Variants in TRDN observed in about 807,000 individuals in gnomAD.
The protein encoded by TRDN is triadin in skeletal muscle.
A neutral mutation model predicts 149.7 loss-of-function variants in TRDN; 161 were observed. The observed-to-expected ratio is 1.08, with a 90% confidence interval of 0.95 to 1.23. TRDN has a LOEUF of 1.23. Among genes scored for constraint, TRDN ranks in the 50% most tolerant of loss-of-function variants. TRDN has a pLI of 0.00. For missense variants in TRDN, 896 were observed against 823.5 expected (o/e 1.09, Z -1.08); for synonymous variants, 294 against 250.5 (o/e 1.17, Z -1.64).
rs774826010 is a variant in TRDN, at chr6:123,273,366, A to AAAAAT, written c.1598-4_1598-3insATTTT. ...TATTTGCACTTTTTCAGATATAGCT[A>AAAAAT]AAATAAATAAATAACATATTAGATT... On this transcript the variant is annotated splice_region_variant and splice_polypyrimidine_tract_variant and intron_variant, in intron 27 of 40. Coordinates refer to ENST00000334268, the MANE Select transcript of TRDN (RefSeq NM_006073.4). 2.2e-6 allele frequency: 2 copies of AAAAAT among 922,286 alleles called. No individual in the cohort carries two copies. 57.1% of individuals were successfully genotyped at this position (922,286 alleles called of 1,614,324 possible).
chr6:123,558,570 G>A (rs1366135778), intron 2 of TRDN, among the ~76,000 whole-genome samples: 3 of 152,018 alleles, frequency 2.0e-5, no homozygotes, highest in South Asian at 2.1e-4. Flanking sequence ...TGGCTTGTTT[G>A]GCAGCAACCT....
chr6:123,245,346 C>T (rs1199893720), intron 38 of TRDN, among the ~76,000 whole-genome samples: 1 of 151,826 alleles, frequency 6.6e-6, no homozygotes, highest in Non-Finnish European at 1.5e-5. Flanking sequence ...ATTCAGGAGA[C>T]ACGTCACACA....
At chr6:123,499,475 G>A (rs1452098797) in intron 8 of TRDN, among the ~76,000 whole-genome samples, 16 of 150,992 alleles carry the variant, frequency 1.1e-4, no homozygotes, top group African/African-American at 1.9e-4. Flanking sequence ...AGGCTGAGGC[G>A]GGAGGATCAT....
chr6:123,620,886 A>C (rs74360134), intron 1 of TRDN, among the ~76,000 whole-genome samples: 2,068 of 152,256 alleles, frequency 0.014, 19 homozygotes, highest in Middle Eastern at 0.027. Context: ...ATTGGATAAA[A>C]GTGTACCAAG....
At chr6:123,582,673 T>C (rs988476425) in intron 1 of TRDN, among the ~76,000 whole-genome samples, 1 of 152,128 alleles carries the variant, frequency 6.6e-6, no homozygotes, top group African/African-American at 2.4e-5. Context: ...GAACCCGCGA[T>C]CTGGATGTGT....
chr6:123,446,734 G>T (rs1335757101), intron 10 of TRDN, among the ~76,000 whole-genome samples: 1 of 152,022 alleles, frequency 6.6e-6, no homozygotes, highest in Non-Finnish European at 1.5e-5. Flanking sequence ...CCATTTCCCT[G>T]TGAGTAACAT....
Position 123,266,644 on chromosome 6 carries a change from T to TATAATACA in TRDN, c.1783+1062_1783+1063insTGTATTAT, listed in dbSNP as rs1562237725. 8.2e-5 allele frequency among the ~76,000 whole-genome samples: 2 copies of TATAATACA among 24,386 alleles called. 1 individual carries two copies. The highest frequency in any genetic ancestry group is 1.8e-4 in the Non-Finnish European group (2 of 10,870). 16.0% of individuals were successfully genotyped at this position (24,386 alleles called of 152,430 possible). On this transcript the variant is annotated intron_variant, in intron 32 of 40. Transcript: ENST00000334268. Reference sequence around the variant, plus strand: ...AATATATATTATAATATGTATTATATTATAATAATATGTATAATATGTATA... The same window carrying TATAATACA: ...AATATATATTATAATATGTATTATATATAATACATATAATAATATGTATAATATGTATA...
chr6:123,525,642 A>G (rs1157484568), intron 5 of TRDN, among the ~76,000 whole-genome samples: 1 of 152,034 alleles, frequency 6.6e-6, no homozygotes, highest in Admixed American at 6.6e-5. Context: ...AATCCCCATC[A>G]TTATGAAACA....
At chr6:123,579,393 G>T (rs1181991520) in intron 1 of TRDN, among the ~76,000 whole-genome samples, 1 of 152,100 alleles carries the variant, frequency 6.6e-6, no homozygotes, top group African/African-American at 2.4e-5. Context: ...CATCTATTGA[G>T]ATAATCATGT....
At position 123,351,255 on chromosome 6, in the gene TRDN, C is replaced by T. The variant is rs1410472789; in HGVS notation, c.1369+1284G>A. 5 of 973,032 alleles carry T rather than the reference C, an allele frequency of 5.1e-6. 1 individual carries two copies. The African/African-American group carries it at 8.8e-5, about 17-fold the overall frequency. The allele number at this position is 973,032 out of a possible 1,614,324, so 60.3% of individuals were successfully genotyped here. The stretch of plus-strand genomic sequence containing the variant: ...TGTTACATGCTTATCTAGAAGTTTA[C>T]ACATTTTCATATCCTTTCACATATG... On this transcript the variant is annotated intron_variant, in intron 21 of 40. Coordinates refer to ENST00000334268, the MANE Select transcript of TRDN (RefSeq NM_006073.4).
intron 23 of TRDN, among the ~76,000 whole-genome samples, chr6:123,325,384 A>C (rs1319664333): frequency 6.6e-6 from 1 of 152,142 alleles, no homozygotes; most frequent in South Asian, 2.1e-4. Flanking sequence ...AAAAATTAAA[A>C]TACTAATGTT....
intron 9 of TRDN, among the ~76,000 whole-genome samples, chr6:123,481,331 G>A (rs892240204): frequency 6.6e-6 from 1 of 150,638 alleles, no homozygotes; most frequent in Non-Finnish European, 1.5e-5. Flanking sequence ...AGGTTTGGGT[G>A]TGTATGTCAT....
intron 16 of TRDN, among the ~76,000 whole-genome samples, chr6:123,378,396 C>T (rs1343828453): frequency 6.6e-6 from 1 of 151,980 alleles, no homozygotes; most frequent in Non-Finnish European, 1.5e-5. Flanking sequence ...CCTCCAACCT[C>T]GGCCTCCCAG....
intron 19 of TRDN, among the ~76,000 whole-genome samples, chr6:123,366,623 T>A (rs1384722239): frequency 3.3e-5 from 5 of 152,132 alleles, no homozygotes; most frequent in Middle Eastern, 3.4e-3. Flanking sequence ...GTTCAAGCAA[T>A]TCCCCTGCCC....
chr6:123,398,828 A>G (rs1772842382), intron 12 of TRDN, among the ~76,000 whole-genome samples: 1 of 152,222 alleles, frequency 6.6e-6, no homozygotes, highest in African/African-American at 2.4e-5. Context: ...CAAATTGCAA[A>G]AGGTGCACAA....
intron 12 of TRDN, among the ~76,000 whole-genome samples, chr6:123,428,736 C>A (rs191315327): frequency 5.2e-4 from 79 of 152,238 alleles, no homozygotes; most frequent in African/African-American, 1.8e-3. Flanking sequence ...TAGTCACTCA[C>A]CTACCACAAA....
chr6:123,423,120 T>C (rs1365510919), intron 12 of TRDN, among the ~76,000 whole-genome samples: 9 of 152,166 alleles, frequency 5.9e-5, no homozygotes, highest in Admixed American at 6.6e-5. Flanking sequence ...ATGTTGTTAA[T>C]TTTATACTCC....
Position 123,272,957 on chromosome 6 carries a change from A to C in TRDN, c.1672+7T>G. The C allele has an allele frequency of 6.5e-7, 1 of 1,527,242 alleles. No homozygotes were observed. Among genetic ancestry groups the C allele is most frequent in the Non-Finnish European group, 8.8e-7 (1 of 1,135,790 alleles). 94.6% of individuals were successfully genotyped at this position (1,527,242 alleles called of 1,614,324 possible). On this transcript the variant is annotated splice_region_variant and intron_variant, in intron 29 of 40. Transcript: ENST00000334268. ...ATTTGAGACTACAAATACCACCTGC[A>C]AAATACCTGGTTTACCATGAGAAAC... is the stretch of plus-strand genomic sequence containing the variant.
At chr6:123,520,798 C>T (rs1353213850) in intron 5 of TRDN, among the ~76,000 whole-genome samples, 1 of 152,146 alleles carries the variant, frequency 6.6e-6, no homozygotes, top group African/African-American at 2.4e-5. Context: ...ACTATGGACA[C>T]TGTGATGCAT....
Sources: allele counts gnomAD v4.1 joint callset (sites outside exome capture counted in the v4.1 genomes callset), GRCh38; gene constraint gnomAD v4.1.1; transcripts MANE v1.5; gene names NCBI Gene and HGNC (gene_info 2026-07-23, HGNC 2026-07-21).